The following CCDC171 variants were observed in gnomAD, a reference collection of about 807,000 sequenced individuals.
The protein encoded by CCDC171 is coiled-coil domain containing 171.
Under a neutral mutation model 168.2 loss-of-function variants are expected in CCDC171, and 177 were observed. The ratio of observed to expected loss-of-function variants is 1.05; its 90% CI spans 0.93 to 1.19. The LOEUF (loss-of-function observed/expected upper bound fraction) is 1.19. Ranked by LOEUF, CCDC171 falls within the 50% of genes most tolerant of loss-of-function variation. The pLI, the probability that CCDC171 is intolerant of heterozygous loss-of-function variation, is 0.00. For synonymous variants in CCDC171, 687 were observed against 540.8 expected, an observed-to-expected ratio of 1.27 and a Z score of -3.75; for missense variants, 1,991 against 1,539.0, an observed-to-expected ratio of 1.29 and a Z score of -4.91.
intron 21 of CCDC171, among the ~76,000 whole-genome samples, chr9:15,817,762 C>T: frequency 8.4e-6 from 1 of 118,740 alleles, no homozygotes; most frequent in East Asian, 2.1e-4. Flanking sequence ...GGCTCTACCT[C>T]TGGGGGCAGG....
At chr9:16,106,995 C>G in the CCDC171 span, among the ~76,000 whole-genome samples, 1 of 152,150 alleles carries the variant, frequency 6.6e-6, no homozygotes, top group Non-Finnish European at 1.5e-5. Flanking sequence ...ACTGTCTTGG[C>G]TCAGTGTTTG....
Position 15,666,454 on chromosome 9 carries a change from TTC to T in CCDC171, c.1076+132_1076+133del, listed in dbSNP as rs1431009174. 6.7e-6 allele frequency: 4 copies of T among 596,062 alleles called. No individual in the cohort carries two copies. The East Asian group carries it at 1.1e-4, about 17-fold the overall frequency. The allele number at this position is 596,062 out of a possible 1,614,324, so 36.9% of individuals were successfully genotyped here. A position where few individuals can be genotyped will look rare whatever the true frequency, so the allele number is the denominator to read the frequency against. Reference sequence around the variant, plus strand: ...TCAGTGGTAGACTGGGGCAAGTGACTTCATAAAACATAACTATACTTTCCTGT... The same window carrying T: ...TCAGTGGTAGACTGGGGCAAGTGACTATAAAACATAACTATACTTTCCTGT... On this transcript the variant is annotated intron_variant, in intron 9 of 25. Transcript: ENST00000380701.
rs558074492 is a variant in CCDC171 at position 15,943,275 on chromosome 9, T to G, written c.3753+22853T>G. Among the ~76,000 whole-genome samples the G allele has an allele frequency of 2.0e-5, 3 of 152,106 alleles. No homozygotes were observed. In the South Asian group the frequency reaches 6.2e-4, roughly 32 times the overall value. On this transcript the variant is annotated intron_variant, in intron 25 of 25. Coordinates refer to ENST00000380701, the MANE Select transcript of CCDC171 (RefSeq NM_173550.4). The stretch of plus-strand genomic sequence containing the variant: ...GAGCAGAGATATTTAAAAGGAAATG[T>G]CAAAAGACTTTTTCTTTAGATCTGT...
chr9:15,933,960 ACT>A (rs1173403162), intron 25 of CCDC171, among the ~76,000 whole-genome samples: 3 of 151,966 alleles, frequency 2.0e-5, no homozygotes, highest in African/African-American at 7.2e-5. Flanking sequence ...GCATGGAAAG[ACT>A]CTATCAAGAC....
chr9:16,058,554 C>A (rs1232368306), intron 1 of CCDC171, among the ~76,000 whole-genome samples: 1 of 152,210 alleles, frequency 6.6e-6, no homozygotes, highest in African/African-American at 2.4e-5. Context: ...AGTGGTACTT[C>A]TGCATAAAGA....
chr9:15,922,078 T>C (rs536964098), intron 25 of CCDC171: 3 of 273,338 alleles, frequency 1.1e-5, no homozygotes, highest in East Asian at 9.4e-5. Flanking sequence ...ACTCTACTTT[T>C]CAACACTTTT....
chr9:15,659,565 TAGC>T (rs1464583692), intron 8 of CCDC171, among the ~76,000 whole-genome samples: 2 of 152,312 alleles, frequency 1.3e-5, no homozygotes, highest in Non-Finnish European at 2.9e-5. Context: ...TCATGTTATT[TAGC>T]TGGTCAGTTA....
chr9:15,844,071 A>T (rs944932077), intron 21 of CCDC171, among the ~76,000 whole-genome samples: 1 of 152,122 alleles, frequency 6.6e-6, no homozygotes, highest in African/African-American at 2.4e-5. Flanking sequence ...AGTTTCTTGG[A>T]TATCAGAACA....
At chr9:16,036,353 G>T (rs1272490829) in intron 8 of CCDC171, 2 of 152,300 alleles carry the variant, frequency 1.3e-5, no homozygotes, top group African/African-American at 4.8e-5. Context: ...AGACAAAAAA[G>T]AAATTTCTTG....
At chr9:16,061,378 T>C (rs1833929087), downstream of CCDC171, 1 of 152,208 alleles carries the variant, frequency 6.6e-6, no homozygotes, top group Non-Finnish European at 1.5e-5. Context: ...CCTTAAGAAA[T>C]TTACAACAAA....
chr9:15,988,390 T>A lies in CCDC171; in HGVS notation n.369-32199T>A, dbSNP rs190072918. On this transcript the variant is annotated intron_variant and non_coding_transcript_variant, in intron 3 of 9. Coordinates refer to the CCDC171 transcript ENST00000486641. ...TTAAAATATTTCCTCCAGAATCATT[T>A]GTCTCATTATTAACAGTTTTGGTCT... Among the ~76,000 whole-genome samples the A allele has an allele frequency of 6.0e-4, 92 of 152,356 alleles. 1 individual carries two copies. The highest frequency in any genetic ancestry group is 1.3e-3 in the Non-Finnish European group (87 of 68,036).
At chr9:15,713,189 T>G (rs1479178868) in intron 11 of CCDC171, among the ~76,000 whole-genome samples, 1 of 152,218 alleles carries the variant, frequency 6.6e-6, no homozygotes, top group Non-Finnish European at 1.5e-5. Context: ...ACGTTCTGCT[T>G]ACTGGAAGGA....
intron 1 of CCDC171, among the ~76,000 whole-genome samples, chr9:16,056,885 C>T (rs1833850785): frequency 6.6e-6 from 1 of 152,114 alleles, no homozygotes; most frequent in African/African-American, 2.4e-5. Flanking sequence ...AAAATGTGCT[C>T]AGTATATTAT....
At chr9:15,985,919 G>T (rs966461351) in intron 3 of CCDC171, among the ~76,000 whole-genome samples, 2 of 152,156 alleles carry the variant, frequency 1.3e-5, no homozygotes, top group Admixed American at 6.5e-5. Flanking sequence ...CAGATAGACT[G>T]GTTAATCAAT....
rs143927357 is a variant in CCDC171 at position 15,759,786 on chromosome 9, GT to G, written c.2671+14160del. ...TTTAAAAAAGCTTTACTTTTTGAGG[GT>G]TTTTCCATTTCTATTAATATTCTTT... On this transcript the variant is annotated intron_variant, in intron 18 of 25. Coordinates refer to ENST00000380701, the MANE Select transcript of CCDC171 (RefSeq NM_173550.4). 9.7e-3 allele frequency among the ~76,000 whole-genome samples: 1,472 copies of G among 152,058 alleles called. 27 individuals carry two copies. Among genetic ancestry groups the G allele is most frequent in the African/African-American group, 0.034 (1,407 of 41,466 alleles).
chr9:16,064,894 C>T (rs1363100136), downstream of CCDC171, among the ~76,000 whole-genome samples: 16 of 152,202 alleles, frequency 1.1e-4, no homozygotes, highest in African/African-American at 3.9e-4. Context: ...CTACTTATGG[C>T]CTTTCCTGTA....
At chr9:15,569,534 G>A (rs1262698395) in intron 2 of CCDC171, among the ~76,000 whole-genome samples, 4 of 151,532 alleles carry the variant, frequency 2.6e-5, no homozygotes, top group African/African-American at 9.7e-5. Context: ...TCTATTTTTC[G>A]GCCGGGCGCG....
chr9:15,834,523 A>C (rs1426033099), intron 21 of CCDC171, among the ~76,000 whole-genome samples: 1 of 152,204 alleles, frequency 6.6e-6, no homozygotes, highest in Non-Finnish European at 1.5e-5. Flanking sequence ...ATTATTTATT[A>C]ATCTTAACAA....
At chr9:15,661,015 T>C (rs2048274334) in intron 8 of CCDC171, among the ~76,000 whole-genome samples, 1 of 152,122 alleles carries the variant, frequency 6.6e-6, no homozygotes, top group Non-Finnish European at 1.5e-5. Flanking sequence ...GCGCGGGGGC[T>C]CACGCCTGTA....
Sources: allele counts gnomAD v4.1 joint callset (sites outside exome capture counted in the v4.1 genomes callset), GRCh38; gene constraint gnomAD v4.1.1; transcripts MANE v1.5; gene names NCBI Gene and HGNC (gene_info 2026-07-23, HGNC 2026-07-21).